The following CACNA1S variants were observed in gnomAD, a reference collection of about 807,000 sequenced individuals.
CACNA1S encodes the protein calcium voltage-gated channel subunit alpha1 S.
CACNA1S carries 126 observed loss-of-function variants against 207.4 expected under a neutral mutation model. The observed-to-expected ratio is 0.61, with a 90% confidence interval of 0.53 to 0.70. The LOEUF is 0.70. Ranked by LOEUF, CACNA1S falls within the 30% of genes least tolerant of loss-of-function variation. CACNA1S has a pLI of 0.00. For synonymous variants in CACNA1S, 960 were observed against 932.7 expected (o/e 1.03, Z -0.53); for missense variants, 2,349 against 2,422.8 (o/e 0.97, Z 0.64).
At chr1:201,072,004 C>T (rs1661449082) in intron 16 of CACNA1S, among the ~76,000 whole-genome samples, 2 of 152,172 alleles carry the variant, frequency 1.3e-5, no homozygotes, top group South Asian at 4.1e-4. Context: ...CATAAGTAGA[C>T]ATACAAGTAG....
chr1:201,074,626 C>A lies in CACNA1S; in HGVS notation c.1949-6G>T, dbSNP rs373698107. On this transcript the variant is annotated splice_region_variant and splice_polypyrimidine_tract_variant and intron_variant, in intron 13 of 43. Coordinates refer to ENST00000362061, the MANE Select transcript of CACNA1S (RefSeq NM_000069.3). ...GAAGACATTGAGCAGGATGTCTGAGCGGGTTTAGCTAAGGAGCCTTTGGTT... is the reference window on the plus strand; with the variant it reads ...GAAGACATTGAGCAGGATGTCTGAGAGGGTTTAGCTAAGGAGCCTTTGGTT... 1 of 1,590,678 alleles carries A rather than the reference C, an allele frequency of 6.3e-7. No individual in the cohort carries two copies. Among genetic ancestry groups the A allele is most frequent in the Non-Finnish European group, 8.6e-7 (1 of 1,159,624 alleles).
intron 2 of CACNA1S, among the ~76,000 whole-genome samples, chr1:201,108,332 G>A (rs1662974995): frequency 6.6e-6 from 1 of 152,088 alleles, no homozygotes; most frequent in Non-Finnish European, 1.5e-5. Flanking sequence ...TGAACTATTG[G>A]ATGCAAGATT....
At chr1:201,062,204 G>C in intron 23 of CACNA1S, 114 bp from the exon 24 acceptor site, 1 of 1,304,682 alleles carries the variant, frequency 7.7e-7, no homozygotes, top group Non-Finnish European at 1.1e-6. Flanking sequence ...TCCAGATCTG[G>C]GACCCAAGGG....
intron 34 of CACNA1S, among the ~76,000 whole-genome samples, chr1:201,049,842 T>A (rs1463505782): frequency 6.6e-6 from 1 of 152,152 alleles, no homozygotes; most frequent in Admixed American, 6.5e-5. Context: ...CTCTTACCAG[T>A]TACATGGACT....
Position 201,047,656 on chromosome 1 carries a change from A to G in CACNA1S, c.4442-30T>C, listed in dbSNP as rs762269742. 6.6e-5 allele frequency: 97 copies of G among 1,470,458 alleles called. 1 individual carries two copies. The highest frequency in any genetic ancestry group is 7.8e-5 in the Non-Finnish European group (82 of 1,049,222). 91.1% of individuals were successfully genotyped at this position (1,470,458 alleles called of 1,614,324 possible). A position where few individuals can be genotyped will look rare whatever the true frequency, so the allele number is the denominator to read the frequency against. On this transcript the variant is annotated intron_variant, in intron 36 of 43. Transcript: ENST00000362061. ...AGCAGGAGAAAGGCAAAAGTTACCCAGATCACACCAACTGCACTTGACAAG... is the reference window on the plus strand; with the variant it reads ...AGCAGGAGAAAGGCAAAAGTTACCCGGATCACACCAACTGCACTTGACAAG...
intron 10 of CACNA1S, among the ~76,000 whole-genome samples, chr1:201,081,449 A>T (rs1373440155): frequency 6.6e-6 from 1 of 152,200 alleles, no homozygotes; most frequent in African/African-American, 2.4e-5. Flanking sequence ...TACTCGTCTC[A>T]CGGTCCAGAG....
In CACNA1S at chr1:201,041,657, G is replaced by A. The variant is rs969756568; in HGVS notation, c.5049-68C>T. The A allele has an allele frequency of 3.4e-6, 4 of 1,176,676 alleles. No individual in the cohort carries two copies. In the African/African-American group the frequency reaches 6.0e-5, roughly 18 times the overall value. The allele number at this position is 1,176,676 out of a possible 1,614,324, so 72.9% of individuals were successfully genotyped here. A position where few individuals can be genotyped will look rare whatever the true frequency, so the allele number is the denominator to read the frequency against. On this transcript the variant is annotated intron_variant, in intron 40 of 43. Coordinates refer to ENST00000362061, the MANE Select transcript of CACNA1S (RefSeq NM_000069.3). ...GCTCTCTCGGCATCCCTGCCTCTCTGGCCCCAAACATCCTTTTCCCTCAGA... is the reference window on the plus strand; with the variant it reads ...GCTCTCTCGGCATCCCTGCCTCTCTAGCCCCAAACATCCTTTTCCCTCAGA...
chr1:201,097,811 C>T (rs1198062768), intron 2 of CACNA1S, among the ~76,000 whole-genome samples: 1 of 152,140 alleles, frequency 6.6e-6, no homozygotes, highest in Admixed American at 6.5e-5. Flanking sequence ...TGAGAAGGCA[C>T]CGCCAACTGG....
intron 10 of CACNA1S, among the ~76,000 whole-genome samples, chr1:201,082,587 C>T (rs1661876480): frequency 1.3e-5 from 2 of 152,214 alleles, no homozygotes. Flanking sequence ...CCTCTTGCTG[C>T]TACCTTGTAT....
intron 2 of CACNA1S, among the ~76,000 whole-genome samples, chr1:201,095,235 C>T (rs1662380096): frequency 6.6e-6 from 1 of 151,840 alleles, no homozygotes; most frequent in African/African-American, 2.4e-5. Flanking sequence ...GATTGGTGCT[C>T]TCTGGAGTTA....
intron 12 of CACNA1S, among the ~76,000 whole-genome samples, chr1:201,076,608 A>C (rs1264502030): frequency 2.0e-5 from 3 of 152,188 alleles, no homozygotes; most frequent in Admixed American, 1.3e-4. Flanking sequence ...TGGCACATGA[A>C]AGCACGCATC....
At chr1:201,111,427 A>AT in intron 1 of CACNA1S, among the ~76,000 whole-genome samples, 1 of 151,830 alleles carries the variant, frequency 6.6e-6, no homozygotes, top group Admixed American at 6.5e-5. Flanking sequence ...TAACCCAGAT[A>AT]TTTTCATCAT....
rs574506403 is a variant in CACNA1S at position 201,046,685 on chromosome 1, C to T, written c.4668+430G>A. On this transcript the variant is annotated intron_variant, in intron 38 of 43. Transcript: ENST00000362061. ...GCCTCCTGAGTAGCTGGGCACATGC[C>T]GCCACACCTGACTAATTTTTGTATT... Among the ~76,000 whole-genome samples the T allele has an allele frequency of 1.3e-4, 19 of 151,900 alleles. No individual in the cohort carries two copies. The East Asian group carries it at 2.9e-3, about 23-fold the overall frequency.
intron 26 of CACNA1S, among the ~76,000 whole-genome samples, chr1:201,060,193 G>C (rs1660992026): frequency 6.6e-6 from 1 of 152,178 alleles, no homozygotes; most frequent in Non-Finnish European, 1.5e-5. Flanking sequence ...TAAGGAATCA[G>C]ATGCTTAATC....
chr1:201,041,326 C>A (rs564611503), intron 41 of CACNA1S, among the ~76,000 whole-genome samples, 178 bp downstream of exon 41: 2 of 152,214 alleles, frequency 1.3e-5, no homozygotes, highest in Admixed American at 6.5e-5. Context: ...CTGCTTCCCC[C>A]CTGGACAAGT....
intron 2 of CACNA1S, among the ~76,000 whole-genome samples, chr1:201,104,094 A>G (rs1258265744): frequency 3.9e-5 from 6 of 152,266 alleles, no homozygotes. Flanking sequence ...AGGATGCCAT[A>G]TCTTTGTAAT....
chr1:201,074,630 T>C lies in CACNA1S; in HGVS notation c.1949-10A>G, dbSNP rs1182277230. On this transcript the variant is annotated splice_polypyrimidine_tract_variant and intron_variant, in intron 13 of 43. Coordinates refer to ENST00000362061, the MANE Select transcript of CACNA1S (RefSeq NM_000069.3). ...ACATTGAGCAGGATGTCTGAGCGGG[T>C]TTAGCTAAGGAGCCTTTGGTTGTAG... 1 of 1,579,494 alleles carries C rather than the reference T, an allele frequency of 6.3e-7. No homozygotes were observed. Among genetic ancestry groups the C allele is most frequent in the East Asian group, 2.2e-5 (1 of 44,702 alleles).
chr1:201,053,717 T>C lies in CACNA1S; in HGVS notation c.3667-130A>G. 1 of 930,650 alleles carries C rather than the reference T, an allele frequency of 1.1e-6. No homozygotes were observed. The highest frequency in any genetic ancestry group is 1.6e-6 in the Non-Finnish European group (1 of 608,546). 57.6% of individuals were successfully genotyped at this position (930,650 alleles called of 1,614,324 possible). On this transcript the variant is annotated intron_variant, in intron 29 of 43. Coordinates refer to ENST00000362061, the MANE Select transcript of CACNA1S (RefSeq NM_000069.3). The surrounding 1 kb of genome is among the most constrained non-coding windows in gnomAD (Gnocchi z 5.1). The stretch of plus-strand genomic sequence containing the variant: ...GGCATGGAGGAACTCCAGCCCCGCC[T>C]CTGGCCCCTGCTGTCCACTAGTTCG...
Position 201,066,291 on chromosome 1 carries a change from T to C in CACNA1S, c.2683A>G (p.Ile895Val). Residue 895 changes from isoleucine (I) to valine (V), a missense_variant, in exon 21 of 44, where the codon ATC (isoleucine) becomes GTC (valine). Coordinates refer to ENST00000362061, the MANE Select transcript of CACNA1S (RefSeq NM_000069.3). This position sits in a 1 kb window ranked among gnomAD's most constrained non-coding sequence, Gnocchi z 4.3. ...LESSAISVVKILRVLRVLRPL... is the reference protein window; with the variant it reads ...LESSAISVVKVLRVLRVLRPL... Reference sequence around the variant, plus strand: ...CGGAGCACCCTCAGCACCCTCAGGATCTTCACCACGGAGATGGCACTGGAC... The same window carrying C: ...CGGAGCACCCTCAGCACCCTCAGGACCTTCACCACGGAGATGGCACTGGAC... 1 of 1,612,686 alleles carries C rather than the reference T, an allele frequency of 6.2e-7. No homozygotes were observed. Among genetic ancestry groups the C allele is most frequent in the Non-Finnish European group, 8.5e-7 (1 of 1,179,922 alleles).
Sources: gnomAD v4.1 joint callset for allele counts (sites outside exome capture counted in the v4.1 genomes callset) on GRCh38, gnomAD v4.1.1 for gene constraint, Gnocchi (gnomAD v3.1) non-coding constraint, MANE v1.5 for transcripts, NCBI Gene and HGNC (gene_info 2026-07-23, HGNC 2026-07-21) for gene names.